Variants in PKDCC observed in about 807,000 individuals in gnomAD.
The protein encoded by PKDCC is extracellular tyrosine-protein kinase PKDCC.
Under a neutral mutation model 44.7 loss-of-function variants are expected in PKDCC, and 35 were observed. That is an observed-to-expected ratio of 0.78 (90% CI 0.60 to 1.04). The LOEUF (loss-of-function observed/expected upper bound fraction) is 1.04, where lower values mean the gene tolerates loss of function less well. Among genes scored for constraint, PKDCC ranks in the 50% least tolerant of loss-of-function variants. The probability of loss-of-function intolerance (pLI) is 0.00; values close to 1 mark genes in which losing one functional copy is unlikely to be tolerated. For synonymous variants in PKDCC, 353 were observed against 303.3 expected, an observed-to-expected ratio of 1.16 and a Z score of -1.70; for missense variants, 738 against 672.7, an observed-to-expected ratio of 1.10 and a Z score of -1.07.
In PKDCC at chr2:42,057,281, A is replaced by G. The variant is rs2103932911; in HGVS notation, c.1283A>G (p.Tyr428Cys). The change falls in exon 6 of 7, where the codon TAC becomes TGC. Residue 428 changes from tyrosine (Y) to cysteine (C), a missense_variant. Transcript: ENST00000294964. Reference sequence around the variant, plus strand: ...GAAGACTACCGCTGCTGGCCATCCTACCACCACGGGAGCTGCCTCCTTTCA... The same window carrying G: ...GAAGACTACCGCTGCTGGCCATCCTGCCACCACGGGAGCTGCCTCCTTTCA... ...PQEDYRCWPS[Y>C]HHGSCLLSVF... The G allele has an allele frequency of 9.9e-6, 16 of 1,614,152 alleles. No individual in the cohort carries two copies. The highest frequency in any genetic ancestry group is 1.4e-5 in the Non-Finnish European group (16 of 1,180,022).
rs746271281 is a variant in PKDCC, at chr2:42,054,195, G to A, written c.922G>A (p.Gly308Ser). 3 of 1,607,690 alleles carry A rather than the reference G, an allele frequency of 1.9e-6. No individual in the cohort carries two copies. Among genetic ancestry groups the A allele is most frequent in the African/African-American group, 2.7e-5 (2 of 74,838 alleles). The stretch of plus-strand genomic sequence containing the variant: ...ACGTGTGGAGGAGACGCCGTGTGCA[G>A]GCAGCACCGACTGCATACTCGAGTT... ...DARVEETPCA[G>S]STDCILEFPA... is the part of the protein sequence containing the mutation. Residue 308 changes from glycine to serine, a missense_variant, in exon 3 of 7, where the codon GGC (glycine) becomes AGC (serine). Coordinates refer to ENST00000294964, the MANE Select transcript of PKDCC (RefSeq NM_138370.3). This position sits in a 1 kb window ranked among gnomAD's most constrained non-coding sequence, Gnocchi z 6.1.
chr2:42,050,391 A>G (rs1206971824), intron 1 of PKDCC, among the ~76,000 whole-genome samples: 4 of 152,192 alleles, frequency 2.6e-5, no homozygotes, highest in East Asian at 3.9e-4. Flanking sequence ...TTAGCAGGAC[A>G]TAAAGTCTTA....
At position 42,048,397 on chromosome 2, in the gene PKDCC, G is replaced by T; in HGVS notation, c.198G>T (p.Glu66Asp). ...LARQIRARYE[E>D]VQRYSRGGPG... is the part of the protein sequence containing the mutation. Reference sequence around the variant, plus strand: ...GGCAGATCCGGGCGCGCTACGAGGAGGTGCAGCGCTATTCCCGCGGGGGCC... The same window carrying T: ...GGCAGATCCGGGCGCGCTACGAGGATGTGCAGCGCTATTCCCGCGGGGGCC... Residue 66 changes from glutamate (E) to aspartate (D), a missense_variant, in exon 1 of 7, where the codon GAG (glutamate) becomes GAT (aspartate). By Grantham distance (45) the Glu-to-Asp change is conservative (BLOSUM62 2). Transcript: ENST00000294964. The surrounding 1 kb of genome is among the most constrained non-coding windows in gnomAD (Gnocchi z 6.2). The T allele has an allele frequency of 8.7e-7, 1 of 1,154,144 alleles. No individual in the cohort carries two copies. Among genetic ancestry groups the T allele is most frequent in the Non-Finnish European group, 1.1e-6 (1 of 940,976 alleles). The allele number at this position is 1,154,144 out of a possible 1,614,324, so 71.5% of individuals were successfully genotyped here.
chr2:42,048,344 C>T lies in PKDCC; in HGVS notation c.145C>T (p.Arg49Cys). The T allele has an allele frequency of 1.7e-6, 2 of 1,168,134 alleles. No individual in the cohort carries two copies. Among genetic ancestry groups the T allele is most frequent in the Middle Eastern group, 3.5e-4 (1 of 2,822 alleles). The allele number at this position is 1,168,134 out of a possible 1,614,324, so 72.4% of individuals were successfully genotyped here. The change falls in exon 1 of 7, where the codon CGT becomes TGT. Residue 49 changes from arginine (R) to cysteine (C), a missense_variant. By Grantham distance (180) the Arg-to-Cys change is radical. Transcript: ENST00000294964. This position sits in a 1 kb window ranked among gnomAD's most constrained non-coding sequence, Gnocchi z 6.2. The stretch of plus-strand genomic sequence containing the variant: ...GCCTTCGCCGGCCCCGGGTCCGGGC[C>T]GTCGCGGGGGCCGCGGGGAGCTGGC... ...PEPSPAPGPG[R>C]RGGRGELARQ...
chr2:42,055,455 GC>G lies in PKDCC; in HGVS notation c.1222+65del. ...AACAGGTGGGAGGGTGAATGACCCC[GC>G]CCAATTAGGCTAAGTGGCTCACCCT... On this transcript the variant is annotated intron_variant, in intron 5 of 6. Transcript: ENST00000294964. This position sits in a 1 kb window ranked among gnomAD's most constrained non-coding sequence, Gnocchi z 4.5. 1.4e-6 allele frequency: 2 copies of G among 1,435,238 alleles called. No individual in the cohort carries two copies. Among genetic ancestry groups the G allele is most frequent in the Non-Finnish European group, 1.9e-6 (2 of 1,035,992 alleles). The allele number at this position is 1,435,238 out of a possible 1,614,324, so 88.9% of individuals were successfully genotyped here.
In PKDCC at chr2:42,057,809, A is replaced by G. The variant is rs990975472; in HGVS notation, c.*121A>G. 29 of 777,520 alleles carry G rather than the reference A, an allele frequency of 3.7e-5. No homozygotes were observed. In the Middle Eastern group the frequency reaches 2.5e-3, roughly 67 times the overall value. The allele number at this position is 777,520 out of a possible 1,614,324, so 48.2% of individuals were successfully genotyped here. ...GGGAACCCCTGCAGACAAAGCTAAC[A>G]TCCCAGACAGACAGATGTGACCAGG... On this transcript the variant is annotated 3_prime_UTR_variant, in exon 7 of 7. Coordinates refer to ENST00000294964, the MANE Select transcript of PKDCC (RefSeq NM_138370.3).
At chr2:42,053,664 G>A in intron 2 of PKDCC, 1 of 518,728 alleles carries the variant, frequency 1.9e-6, no homozygotes, top group Admixed American at 3.6e-5. Context: ...GACTGCAGGA[G>A]GGCCAGTGTC....
Position 42,048,928 on chromosome 2 carries a change from A to C in PKDCC, c.639+90A>C. 7.4e-7 allele frequency: 1 copy of C among 1,343,154 alleles called. No individual in the cohort carries two copies. The highest frequency in any genetic ancestry group is 2.0e-5 in the South Asian group (1 of 49,240). The allele number at this position is 1,343,154 out of a possible 1,614,324, so 83.2% of individuals were successfully genotyped here. A position where few individuals can be genotyped will look rare whatever the true frequency, so the allele number is the denominator to read the frequency against. Reference sequence around the variant, plus strand: ...GCTGGAAGAGAACCCCTTGATCTGGAGTGCCAGTGACTGCACCCAGGCTAA... The same window carrying C: ...GCTGGAAGAGAACCCCTTGATCTGGCGTGCCAGTGACTGCACCCAGGCTAA... On this transcript the variant is annotated intron_variant, in intron 1 of 6. Coordinates refer to ENST00000294964, the MANE Select transcript of PKDCC (RefSeq NM_138370.3). The surrounding 1 kb of genome is among the most constrained non-coding windows in gnomAD (Gnocchi z 6.2).
Position 42,057,307 on chromosome 2 carries a change from G to C in PKDCC, c.1309G>C (p.Val437Leu), listed in dbSNP as rs779960943. 6 of 1,614,112 alleles carry C rather than the reference G, an allele frequency of 3.7e-6. No individual in the cohort carries two copies. In the Admixed American group the frequency reaches 8.3e-5, roughly 22 times the overall value. ...SYHHGSCLLSVFNLAEAVDVC... is the reference protein window; with the variant it reads ...SYHHGSCLLSLFNLAEAVDVC... The stretch of plus-strand genomic sequence containing the variant: ...CCACCACGGGAGCTGCCTCCTTTCA[G>C]TGTTCAACCTGGCTGAGGCTGTGGA... Residue 437 changes from valine to leucine, a missense_variant, in exon 6 of 7, where the codon GTG (valine) becomes CTG (leucine). Val to Leu is a conservative substitution (Grantham distance 32, BLOSUM62 1). Transcript: ENST00000294964.
intron 1 of PKDCC, among the ~76,000 whole-genome samples, chr2:42,049,759 C>T (rs976737192): frequency 2.0e-5 from 3 of 152,166 alleles, no homozygotes; most frequent in African/African-American, 7.2e-5. Context: ...TAACACTCCA[C>T]GTCCTCTCTC....
rs746359140 is a variant in PKDCC at position 42,057,653 on chromosome 2, C to A, written c.1447C>A (p.Pro483Thr). 1 of 1,614,028 alleles carries A rather than the reference C, an allele frequency of 6.2e-7. No homozygotes were observed. Among genetic ancestry groups the A allele is most frequent in the South Asian group, 1.1e-5 (1 of 91,052 alleles). Residue 483 changes from proline to threonine, a missense_variant, in exon 7 of 7, where the codon CCC becomes ACC. Transcript: ENST00000294964. ...TGGATGGAGCCAAGTGGTCCCTGATCCCAACAAGACCACATATGTGAAGGC... is the reference window on the plus strand; with the variant it reads ...TGGATGGAGCCAAGTGGTCCCTGATACCAACAAGACCACATATGTGAAGGC... The part of the protein sequence containing the change: ...KTGWSQVVPD[P>T]NKTTYVKASG
Position 42,054,093 on chromosome 2 carries a change from G to GC in PKDCC, c.820_821insC (p.Val274AlafsTer25). 6.2e-7 allele frequency: 1 copy of GC among 1,612,758 alleles called. No homozygotes were observed. Among genetic ancestry groups the GC allele is most frequent in the Non-Finnish European group, 8.5e-7 (1 of 1,179,858 alleles). On this transcript the variant is annotated frameshift_variant, in exon 3 of 7. Transcript: ENST00000294964. LOFTEE classifies it high-confidence loss of function. The surrounding 1 kb of genome is among the most constrained non-coding windows in gnomAD (Gnocchi z 6.1). ...CCTGGCCCACTCCCCACTGGGCTCC[G>GC]TCACTCTGCTGGACTTCCGCCCTCG...
At chr2:42,056,004 G>T (rs1668047331) in intron 5 of PKDCC, among the ~76,000 whole-genome samples, 1 of 152,182 alleles carries the variant, frequency 6.6e-6, no homozygotes, top group African/African-American at 2.4e-5. Context: ...GTTGGCAGGG[G>T]TTGAGGGGTG....
In PKDCC at chr2:42,054,216, G is replaced by A. The variant is rs543609482; in HGVS notation, c.943G>A (p.Glu315Lys). Residue 315 changes from glutamate to lysine, a missense_variant, in exon 3 of 7, where the codon GAG becomes AAG. Coordinates refer to ENST00000294964, the MANE Select transcript of PKDCC (RefSeq NM_138370.3). This position sits in a 1 kb window ranked among gnomAD's most constrained non-coding sequence, Gnocchi z 6.1. ...PCAGSTDCILEFPARNFTLPC... is the reference protein window; with the variant it reads ...PCAGSTDCILKFPARNFTLPC... ...TGCAGGCAGCACCGACTGCATACTC[G>A]AGTTTCCGGCCAGGAACTTCACCCT... 2.6e-5 allele frequency: 42 copies of A among 1,604,138 alleles called. No homozygotes were observed. The highest frequency in any genetic ancestry group is 1.7e-4 in the Middle Eastern group (1 of 5,852).
At position 42,048,650 on chromosome 2, in the gene PKDCC, G is replaced by T. The variant is rs1558430439; in HGVS notation, c.451G>T (p.Ala151Ser). 4 of 1,544,868 alleles carry T rather than the reference G, an allele frequency of 2.6e-6. No individual in the cohort carries two copies. The highest frequency in any genetic ancestry group is 3.5e-6 in the Non-Finnish European group (4 of 1,146,206). The change falls in exon 1 of 7, where the codon GCC becomes TCC. Residue 151 changes from alanine to serine, a missense_variant. By Grantham distance (99) the Ala-to-Ser change is moderately conservative. Transcript: ENST00000294964. The surrounding 1 kb of genome is among the most constrained non-coding windows in gnomAD (Gnocchi z 6.2). Reference sequence around the variant, plus strand: ...GTACATGGGCTCAGGCTACACCAAGGCCGTGTACCGGGTCCGCCTGCCCGG... The same window carrying T: ...GTACATGGGCTCAGGCTACACCAAGTCCGTGTACCGGGTCCGCCTGCCCGG... Reference protein sequence around the residue: ...AQYMGSGYTKAVYRVRLPGGA... With the variant: ...AQYMGSGYTKSVYRVRLPGGA...
intron 5 of PKDCC, among the ~76,000 whole-genome samples, chr2:42,056,965 G>A (rs1285371062): frequency 1.3e-5 from 2 of 152,026 alleles, no homozygotes; most frequent in African/African-American, 2.4e-5. Flanking sequence ...ATCTTGTACT[G>A]CCTGACCAAG....
intron 2 of PKDCC, 87 bp from the exon 3 acceptor site, chr2:42,053,949 C>T (rs1668010139): frequency 6.6e-7 from 1 of 1,514,558 alleles, no homozygotes; most frequent in African/African-American, 1.4e-5. Context: ...AAGCAAAGTT[C>T]AGATTCCAAG....
In PKDCC at chr2:42,053,264, G is replaced by A. The variant is rs140342791; in HGVS notation, c.665G>A (p.Ser222Asn). 1.6e-4 allele frequency: 246 copies of A among 1,576,146 alleles called. No individual in the cohort carries two copies. Among genetic ancestry groups the A allele is most frequent in the Non-Finnish European group, 2.1e-4 (239 of 1,156,942 alleles). ...LQLYGYCYQD[S>N]EDIPDTLTTI... ...CTCTATGGCTACTGCTACCAGGACA[G>A]CGAGGACATCCCAGACACCCTGACC... Residue 222 changes from serine (S) to asparagine (N), a missense_variant, in exon 2 of 7, where the codon AGC (serine) becomes AAC (asparagine). Coordinates refer to ENST00000294964, the MANE Select transcript of PKDCC (RefSeq NM_138370.3).
chr2:42,053,635 A>C (rs535413119), intron 2 of PKDCC: 169 of 532,726 alleles, frequency 3.2e-4, no homozygotes, highest in African/African-American at 3.0e-3. Context: ...GGGAGCACTC[A>C]CACACTCACA....
Sources: allele counts gnomAD v4.1 joint callset (sites outside exome capture counted in the v4.1 genomes callset), GRCh38; gene constraint gnomAD v4.1.1; non-coding constraint Gnocchi (gnomAD v3.1); transcripts MANE v1.5; gene names NCBI Gene and HGNC (gene_info 2026-07-23, HGNC 2026-07-21).